Variants in PCDHA1 observed in about 807,000 individuals in gnomAD.
PCDHA1 encodes protocadherin alpha-1.
In PCDHA1, 42 loss-of-function variants were observed where a neutral mutation model predicts 61.3. That is an observed-to-expected ratio of 0.69 (90% CI 0.54 to 0.89). PCDHA1 has a LOEUF of 0.89. PCDHA1 is among the 40% of genes least tolerant of loss of function. The pLI is 0.00. For synonymous variants in PCDHA1, 610 were observed against 553.8 expected, an observed-to-expected ratio of 1.10 and a Z score of -1.43; for missense variants, 1,256 against 1,235.3, an observed-to-expected ratio of 1.02 and a Z score of -0.25.
intron 1 of PCDHA1, among the ~76,000 whole-genome samples, chr5:140,965,537 A>T (rs528440377): frequency 1.3e-5 from 2 of 152,204 alleles, no homozygotes; most frequent in East Asian, 3.9e-4. Context: ...ATGGAATCCA[A>T]ATTCCAGCCT....
chr5:140,802,440 C>G lies in PCDHA1; in HGVS notation c.2394+13756C>G, dbSNP rs782205225. On this transcript the variant is annotated intron_variant, in intron 1 of 3. Coordinates refer to ENST00000504120, the MANE Select transcript of PCDHA1 (RefSeq NM_018900.4). The stretch of plus-strand genomic sequence containing the variant: ...ATTGGTGCTGGACAGCCCTCTGGAC[C>G]GCGAGAGCGTGTCGGCCTATGAGCT... 5.6e-6 allele frequency: 9 copies of G among 1,614,204 alleles called. No individual in the cohort carries two copies. The South Asian group carries it at 7.7e-5, about 14-fold the overall frequency.
At chr5:140,834,395 G>A in intron 1 of PCDHA1, 1 of 1,598,712 alleles carries the variant, frequency 6.3e-7, no homozygotes, top group Non-Finnish European at 8.5e-7. Context: ...TGGTGTGCCC[G>A]AATGGATACG....
chr5:140,957,852 A>AT (rs5871756), intron 1 of PCDHA1, among the ~76,000 whole-genome samples: 44,688 of 151,688 alleles, frequency 0.29, 7,154 homozygotes, highest in East Asian at 0.53. Context: ...GAGTTTGTGT[A>AT]TTTTTTTTCC....
chr5:140,791,482 T>G (rs1761654038), intron 1 of PCDHA1, among the ~76,000 whole-genome samples: 1 of 152,192 alleles, frequency 6.6e-6, no homozygotes, highest in Non-Finnish European at 1.5e-5. Flanking sequence ...AAAATTATGT[T>G]TATTTTAGAG....
intron 1 of PCDHA1, chr5:140,849,633 G>A: frequency 6.3e-7 from 1 of 1,598,806 alleles, no homozygotes; most frequent in African/African-American, 1.3e-5. Flanking sequence ...CCTAGACGCA[G>A]ATGCCAACGG....
intron 3 of PCDHA1, among the ~76,000 whole-genome samples, chr5:140,982,886 G>A (rs1310342145): frequency 1.3e-5 from 2 of 152,114 alleles, no homozygotes; most frequent in Admixed American, 6.6e-5. Flanking sequence ...GCCATGCAGA[G>A]AAGATCTGGT....
At chr5:140,802,411 A>G (rs1554122110) in intron 1 of PCDHA1, 1 of 1,614,042 alleles carries the variant, frequency 6.2e-7, no homozygotes, top group Non-Finnish European at 8.5e-7. Flanking sequence ...AAGAATTACT[A>G]CTCATTGGTG....
At chr5:140,789,906 T>C (rs554503547) in intron 1 of PCDHA1, among the ~76,000 whole-genome samples, 2 of 152,314 alleles carry the variant, frequency 1.3e-5, no homozygotes, top group African/African-American at 4.8e-5. Flanking sequence ...TCCTAAAATG[T>C]TTAAGGTGGC....
rs1581592920 is a variant in PCDHA1 at position 140,786,166 on chromosome 5, G to T, written c.-125G>T. On this transcript the variant is annotated 5_prime_UTR_variant, in exon 1 of 4. Coordinates refer to ENST00000504120, the MANE Select transcript of PCDHA1 (RefSeq NM_018900.4). ...CTGATCACTAAAAGTGAAGGAGGAA[G>T]CTCCATTTTGTCACCGCCTGAGAGA... 1.6e-6 allele frequency: 2 copies of T among 1,240,938 alleles called. No homozygotes were observed. Among genetic ancestry groups the T allele is most frequent in the East Asian group, 2.3e-5 (1 of 42,704 alleles). 76.9% of individuals were successfully genotyped at this position (1,240,938 alleles called of 1,614,324 possible).
At chr5:140,797,250 G>A (rs1762202883) in intron 1 of PCDHA1, 1 of 1,614,200 alleles carries the variant, frequency 6.2e-7, no homozygotes. Context: ...GCTCTGGGGA[G>A]GACCCCCCCA....
rs201197802 is a variant in PCDHA1 at position 140,786,414 on chromosome 5, G to C, written c.124G>C (p.Gly42Arg). ...CTCGATCCCGGAGGAAGCCAAACAC[G>C]GCACCTTCGTTGGCCGCGTTGCTCA... ...HYSIPEEAKHGTFVGRVAQDL... is the reference protein window; with the variant it reads ...HYSIPEEAKHRTFVGRVAQDL... Residue 42 changes from glycine to arginine, a missense_variant, in exon 1 of 4, where the codon GGC (glycine) becomes CGC (arginine). Gly to Arg is a moderately radical substitution (Grantham distance 125). Transcript: ENST00000504120. 2.0e-5 allele frequency: 32 copies of C among 1,613,346 alleles called. No individual in the cohort carries two copies. Among genetic ancestry groups the C allele is most frequent in the Middle Eastern group, 1.8e-4 (1 of 5,478 alleles).
At chr5:140,874,124 T>C (rs926046559) in intron 1 of PCDHA1, among the ~76,000 whole-genome samples, 1 of 152,266 alleles carries the variant, frequency 6.6e-6, no homozygotes, top group Non-Finnish European at 1.5e-5. Flanking sequence ...TTATAGTTTA[T>C]TTAAGTTATC....
intron 1 of PCDHA1, chr5:140,854,190 A>T: frequency 1.5e-6 from 1 of 648,854 alleles, no homozygotes; most frequent in Non-Finnish European, 1.9e-6. Flanking sequence ...TAGTTTAACT[A>T]CTCCCTACTT....
rs1056248774 is a variant in PCDHA1, at chr5:140,862,628, G to A, written c.2394+73944G>A. On this transcript the variant is annotated intron_variant, in intron 1 of 3. Coordinates refer to ENST00000504120, the MANE Select transcript of PCDHA1 (RefSeq NM_018900.4). The stretch of plus-strand genomic sequence containing the variant: ...GTGAAAGGTAACAACCCGCGGGGCT[G>A]CCACGACTTCACAGTGTCCGCGCGG... The A allele has an allele frequency of 9.4e-6, 5 of 534,028 alleles. No individual in the cohort carries two copies. In the Admixed American group the frequency reaches 9.7e-5, roughly 10 times the overall value. 33.1% of individuals were successfully genotyped at this position (534,028 alleles called of 1,614,324 possible). A position where few individuals can be genotyped will look rare whatever the true frequency, so the allele number is the denominator to read the frequency against.
chr5:140,834,479 C>T (rs2150219285), intron 1 of PCDHA1: 1 of 1,614,178 alleles, frequency 6.2e-7, no homozygotes, highest in African/African-American at 1.3e-5. Context: ...GCCAGCTCCA[C>T]TACTCGGTCC....
intron 1 of PCDHA1, among the ~76,000 whole-genome samples, chr5:140,880,101 T>C (rs1190307689): frequency 6.6e-6 from 1 of 152,192 alleles, no homozygotes; most frequent in Non-Finnish European, 1.5e-5. Context: ...CTTAAAATCA[T>C]AGAAGGATAG....
At chr5:140,879,757 C>T (rs1312451493) in intron 1 of PCDHA1, among the ~76,000 whole-genome samples, 1 of 152,212 alleles carries the variant, frequency 6.6e-6, no homozygotes, top group African/African-American at 2.4e-5. Context: ...GCTATACTCT[C>T]TTTGGAGGCC....
intron 1 of PCDHA1, chr5:140,830,716 A>G (rs1437776192): frequency 8.4e-6 from 2 of 237,240 alleles, no homozygotes; most frequent in Non-Finnish European, 1.6e-5. Flanking sequence ...TTGTCTTCAA[A>G]CCAAAATATT....
Position 141,011,329 on chromosome 5 carries a change from T to G in PCDHA1, c.*1392T>G, listed in dbSNP as rs924246191. 6.5e-6 allele frequency: 1 copy of G among 153,804 alleles called. No homozygotes were observed. Among genetic ancestry groups the G allele is most frequent in the African/African-American group, 2.4e-5 (1 of 41,472 alleles). 9.5% of individuals were successfully genotyped at this position (153,804 alleles called of 1,614,324 possible). ...TTGCTAATCTTACTAACACCTATGA[T>G]GTTACCTGAAATCAATCTCCCATAT... is the stretch of plus-strand genomic sequence containing the variant. On this transcript the variant is annotated 3_prime_UTR_variant, in exon 4 of 4. Coordinates refer to ENST00000504120, the MANE Select transcript of PCDHA1 (RefSeq NM_018900.4).
Sources: allele counts gnomAD v4.1 joint callset (sites outside exome capture counted in the v4.1 genomes callset), GRCh38; gene constraint gnomAD v4.1.1; transcripts MANE v1.5; gene names NCBI Gene and HGNC (gene_info 2026-07-23, HGNC 2026-07-21).